The following TENM4 variants were observed in gnomAD, a reference collection of about 807,000 sequenced individuals.
TENM4 encodes teneurin-4.
TENM4 carries 82 observed loss-of-function variants against 243.3 expected under a neutral mutation model. The observed-to-expected ratio is 0.34, with a 90% confidence interval of 0.28 to 0.40. The LOEUF is 0.40. TENM4 is among the 10% of genes least tolerant of loss of function. The pLI is 1.00. For missense variants in TENM4, 3,138 were observed against 3,673.3 expected, an observed-to-expected ratio of 0.85 and a Z score of 3.77; for synonymous variants, 1,412 against 1,456.3, an observed-to-expected ratio of 0.97 and a Z score of 0.69.
intron 1 of TENM4, among the ~76,000 whole-genome samples, chr11:79,355,021 A>G (rs1857473405): frequency 6.6e-6 from 1 of 152,228 alleles, no homozygotes; most frequent in Admixed American, 6.5e-5. Context: ...CATTTAAAAG[A>G]GAGCCAAGAA....
At position 78,726,236 on chromosome 11, in the gene TENM4, A is replaced by G; in HGVS notation, c.3407-14T>C. On this transcript the variant is annotated splice_polypyrimidine_tract_variant and intron_variant, in intron 22 of 33. Transcript: ENST00000278550. Reference sequence around the variant, plus strand: ...AACCCACGGAAACTGTAGGTGACAGAATGAGGCAAAATGCATAAGTGAGCA... The same window carrying G: ...AACCCACGGAAACTGTAGGTGACAGGATGAGGCAAAATGCATAAGTGAGCA... 1 of 1,613,004 alleles carries G rather than the reference A, an allele frequency of 6.2e-7. No individual in the cohort carries two copies. Among genetic ancestry groups the G allele is most frequent in the Non-Finnish European group, 8.5e-7 (1 of 1,179,352 alleles).
At chr11:79,080,881 G>T (rs1275545968) in intron 4 of TENM4, among the ~76,000 whole-genome samples, 1 of 152,102 alleles carries the variant, frequency 6.6e-6, no homozygotes, top group East Asian at 1.9e-4. Flanking sequence ...TTTTTTTCCT[G>T]ACTTTCTCTG....
At position 78,670,413 on chromosome 11, in the gene TENM4, T is replaced by A. The variant is rs762072594; in HGVS notation, c.5932A>T (p.Ile1978Phe). ...GCATTGCCCTCAGGGGGCTGATAGA[T>A]GTTTCTGTAGTAGCCCACTGAGCGG... is the stretch of plus-strand genomic sequence containing the variant. ...TIRSVGYYRN[I>F]YQPPEGNASV... is the part of the protein sequence containing the mutation. The change falls in exon 32 of 34, where the codon ATC (isoleucine) becomes TTC (phenylalanine). Residue 1978 changes from isoleucine (I) to phenylalanine (F), a missense_variant. Transcript: ENST00000278550. The A allele has an allele frequency of 1.2e-6, 2 of 1,613,884 alleles. No individual in the cohort carries two copies. The highest frequency in any genetic ancestry group is 2.7e-5 in the African/African-American group (2 of 74,928).
At chr11:79,020,986 C>T (rs1268012794) in intron 6 of TENM4, among the ~76,000 whole-genome samples, 1 of 152,226 alleles carries the variant, frequency 6.6e-6, no homozygotes, top group Non-Finnish European at 1.5e-5. Context: ...TTGAAATGCC[C>T]TTTCCTGAGT....
intron 12 of TENM4, among the ~76,000 whole-genome samples, chr11:78,834,573 T>C (rs1233416413): frequency 5.3e-5 from 8 of 152,232 alleles, no homozygotes; most frequent in Admixed American, 5.2e-4. Context: ...ACTCTTCTGC[T>C]GATTTCTTTT....
chr11:79,063,636 A>G (rs965804267), intron 6 of TENM4, among the ~76,000 whole-genome samples: 2 of 152,204 alleles, frequency 1.3e-5, no homozygotes, highest in African/African-American at 4.8e-5. Context: ...TGAAATATAT[A>G]GAAGGGGAGA....
Position 78,658,803 on chromosome 11 carries a change from A to G in TENM4, c.7565T>C (p.Val2522Ala), listed in dbSNP as rs779708255. ...GAGCTGCTTCTGTACTTCACACTGT[A>G]CCCCGAGGATAGACTGATGGGGGAG... ...EWDNSKSILG[V>A]QCEVQKQLKA... Residue 2522 changes from valine (V) to alanine (A), a missense_variant, in exon 34 of 34, where the codon GTA becomes GCA. Val to Ala is a moderately conservative substitution (Grantham distance 64, BLOSUM62 0). Transcript: ENST00000278550. 6.2e-7 allele frequency: 1 copy of G among 1,611,690 alleles called. No homozygotes were observed. Among genetic ancestry groups the G allele is most frequent in the South Asian group, 1.1e-5 (1 of 91,030 alleles).
intron 4 of TENM4, among the ~76,000 whole-genome samples, chr11:79,101,788 A>G (rs1183588828): frequency 6.6e-6 from 1 of 152,148 alleles, no homozygotes; most frequent in Admixed American, 6.5e-5. Flanking sequence ...TGCCCCCCAA[A>G]TGTGAGGCAT....
chr11:79,133,915 C>T (rs1243134305), intron 4 of TENM4, among the ~76,000 whole-genome samples: 1 of 152,130 alleles, frequency 6.6e-6, no homozygotes, highest in Non-Finnish European at 1.5e-5. Context: ...AAGTTGAAAG[C>T]ATTCCTTCTG....
chr11:79,192,690 G>A (rs550325159), intron 3 of TENM4, among the ~76,000 whole-genome samples: 1 of 151,366 alleles, frequency 6.6e-6, no homozygotes, highest in East Asian at 1.9e-4. Context: ...CCCTCCACTA[G>A]TGTCCTATGA....
rs1456012989 is a variant in TENM4, at chr11:79,064,770, A to C, written c.461T>G (p.Leu154Arg). ...LSSRANSNLT[L>R]TDTEHENTET... Reference sequence around the variant, plus strand: ...AGTGTTTTCATGCTCGGTGTCGGTGAGTGTGAGATTGGAATTGGCCCGGCT... The same window carrying C: ...AGTGTTTTCATGCTCGGTGTCGGTGCGTGTGAGATTGGAATTGGCCCGGCT... Residue 154 changes from leucine (L) to arginine (R), a missense_variant, in exon 6 of 34, where the codon CTC becomes CGC. Transcript: ENST00000278550. The C allele has an allele frequency of 5.8e-6, 9 of 1,551,614 alleles. No homozygotes were observed. The highest frequency in any genetic ancestry group is 7.8e-6 in the Non-Finnish European group (9 of 1,146,984).
intron 4 of TENM4, among the ~76,000 whole-genome samples, chr11:79,113,675 T>C (rs1471366941): frequency 1.3e-5 from 2 of 152,036 alleles, no homozygotes; most frequent in African/African-American, 4.8e-5. Flanking sequence ...ACCAACAAAA[T>C]GGCAATTCTC....
chr11:79,228,412 G>A (rs1352554098), intron 2 of TENM4, among the ~76,000 whole-genome samples: 2 of 152,216 alleles, frequency 1.3e-5, no homozygotes, highest in African/African-American at 4.8e-5. Context: ...CAGCAGGGCT[G>A]TTAATGAACT....
At chr11:78,941,343 G>C (rs1856890377) in intron 6 of TENM4, among the ~76,000 whole-genome samples, 2 of 152,254 alleles carry the variant, frequency 1.3e-5, no homozygotes, top group Non-Finnish European at 2.9e-5. Context: ...AAACTGCAGA[G>C]CTGTGAAGGC....
intron 4 of TENM4, among the ~76,000 whole-genome samples, chr11:79,126,990 C>A (rs1024363822): frequency 6.6e-6 from 1 of 152,192 alleles, no homozygotes; most frequent in Non-Finnish European, 1.5e-5. Context: ...TTAAAGTAGG[C>A]GCTTATGGAG....
intron 3 of TENM4, among the ~76,000 whole-genome samples, chr11:79,202,658 G>C (rs1210419067): frequency 6.6e-6 from 1 of 152,124 alleles, no homozygotes; most frequent in Non-Finnish European, 1.5e-5. Context: ...GTGGCCCCTG[G>C]GGACTCTGAG....
intron 9 of TENM4, 143 bp downstream of exon 9, chr11:78,889,642 G>T: frequency 4.6e-6 from 4 of 875,274 alleles, no homozygotes; most frequent in Non-Finnish European, 7.1e-6. Context: ...GGTGCAGACT[G>T]TCCAGAACTC....
intron 6 of TENM4, among the ~76,000 whole-genome samples, chr11:78,931,860 GT>G (rs1856676858): frequency 6.6e-6 from 1 of 152,174 alleles, no homozygotes; most frequent in Non-Finnish European, 1.5e-5. Context: ...AGCTGCGGTG[GT>G]ACATGCCTGT....
chr11:78,709,105 C>T (rs1235444130), intron 26 of TENM4, among the ~76,000 whole-genome samples: 1 of 150,414 alleles, frequency 6.6e-6, no homozygotes, highest in Non-Finnish European at 1.5e-5. Context: ...TTAGCTGGGA[C>T]CACAGGCATG....
Sources: gnomAD v4.1 joint callset for allele counts (sites outside exome capture counted in the v4.1 genomes callset) on GRCh38, gnomAD v4.1.1 for gene constraint, MANE v1.5 for transcripts, NCBI Gene and HGNC (gene_info 2026-07-23, HGNC 2026-07-21) for gene names.